FMN2: variants seen among roughly 807,000 people sequenced by gnomAD.
FMN2 encodes the protein formin-2.
FMN2 carries 51 observed loss-of-function variants against 142.3 expected under a neutral mutation model. The ratio of observed to expected loss-of-function variants is 0.36; its 90% confidence interval spans 0.29 to 0.45. FMN2 has a LOEUF of 0.45. FMN2 is among the 20% of genes least tolerant of loss of function. The probability of loss-of-function intolerance (pLI) is 1.00; values close to 1 mark genes in which losing one functional copy is unlikely to be tolerated. For synonymous variants in FMN2, 882 were observed against 869.8 expected (o/e 1.01, Z -0.25); for missense variants, 1,936 against 2,122.8 (o/e 0.91, Z 1.73).
intron 13 of FMN2, among the ~76,000 whole-genome samples, chr1:240,337,563 C>T (rs1278631997): frequency 2.0e-5 from 3 of 152,114 alleles, no homozygotes; most frequent in African/African-American, 7.2e-5. Context: ...AATAGGATAA[C>T]GTATAGAAAG....
Position 240,207,420 on chromosome 1 carries a change from A to T in FMN2, c.2608A>T (p.Met870Leu). The change falls in exon 5 of 18, where the codon ATG becomes TTG. Residue 870 changes from methionine to leucine, a missense_variant. Met to Leu is a conservative substitution (Grantham distance 15, BLOSUM62 2). Coordinates refer to ENST00000319653, the MANE Select transcript of FMN2 (RefSeq NM_020066.5). The stretch of plus-strand genomic sequence containing the variant: ...GCCTTGCACAGAGTCCTCCAGCTCC[A>T]TGCCTGGCCTGGGCATGGTGCCTCC... ...PLPCTESSSS[M>L]PGLGMVPPPP... is the part of the protein sequence containing the mutation. The T allele has an allele frequency of 6.2e-7, 1 of 1,613,650 alleles. No individual in the cohort carries two copies. Among genetic ancestry groups the T allele is most frequent in the Non-Finnish European group, 8.5e-7 (1 of 1,179,798 alleles).
chr1:240,397,315 ATTTG>A (rs1333084110), intron 15 of FMN2, among the ~76,000 whole-genome samples: 1 of 151,844 alleles, frequency 6.6e-6, no homozygotes, highest in Non-Finnish European at 1.5e-5. Context: ...TTGCTTGTTG[ATTTG>A]TTTAAGTTCC....
At chr1:240,317,679 GT>G (rs1670836150) in intron 8 of FMN2, among the ~76,000 whole-genome samples, 1 of 151,968 alleles carries the variant, frequency 6.6e-6, no homozygotes, top group African/African-American at 2.4e-5. Flanking sequence ...GAGTTTTTGG[GT>G]ATTACACACA....
chr1:240,333,801 T>C, intron 11 of FMN2, 86 bp from the exon 12 acceptor site: 1 of 1,036,854 alleles, frequency 9.6e-7, no homozygotes, highest in Non-Finnish European at 1.4e-6. Context: ...TGTATATACA[T>C]GAATTCACTA....
chr1:240,469,445 C>G (rs998819690), intron 16 of FMN2, among the ~76,000 whole-genome samples: 2 of 152,106 alleles, frequency 1.3e-5, no homozygotes, highest in Non-Finnish European at 2.9e-5. Context: ...ATCCTAGTCA[C>G]ACACATAAGA....
chr1:240,119,608 C>A (rs1043650557), intron 1 of FMN2, among the ~76,000 whole-genome samples: 1 of 152,168 alleles, frequency 6.6e-6, no homozygotes, highest in African/African-American at 2.4e-5. Context: ...TAATTTCCCC[C>A]ACTACCGCTA....
chr1:240,214,796 T>C (rs1666832069), intron 6 of FMN2, among the ~76,000 whole-genome samples: 1 of 152,134 alleles, frequency 6.6e-6, no homozygotes. Flanking sequence ...CTGGGTATGG[T>C]GGCTCACACC....
At chr1:240,314,399 G>T (rs968669273) in intron 8 of FMN2, among the ~76,000 whole-genome samples, 24 of 152,110 alleles carry the variant, frequency 1.6e-4, no homozygotes, top group Non-Finnish European at 3.1e-4. Flanking sequence ...CCTCAGAAAT[G>T]CTAGGTTCAA....
chr1:240,156,752 G>A (rs1207821381), intron 2 of FMN2, among the ~76,000 whole-genome samples: 1 of 152,180 alleles, frequency 6.6e-6, no homozygotes, highest in Non-Finnish European at 1.5e-5. Flanking sequence ...AAAGGATCAA[G>A]CAGAATGCAT....
At chr1:240,154,129 A>AAAATAAAAAG (rs3047192) in intron 2 of FMN2, among the ~76,000 whole-genome samples, 1 of 102,154 alleles carries the variant, frequency 9.8e-6, no homozygotes, top group Non-Finnish European at 2.0e-5. Flanking sequence ...AAAAAAAAAA[A>AAAATAAAAAG]AAGTGTTACT....
chr1:240,359,174 C>A (rs1397861719), intron 14 of FMN2, among the ~76,000 whole-genome samples: 1 of 152,050 alleles, frequency 6.6e-6, no homozygotes, highest in Admixed American at 6.6e-5. Flanking sequence ...AATTCCTTTG[C>A]CCCCATGTTT....
At chr1:240,186,983 C>T (rs1320405268) in intron 3 of FMN2, among the ~76,000 whole-genome samples, 2 of 151,900 alleles carry the variant, frequency 1.3e-5, no homozygotes, top group Non-Finnish European at 1.5e-5. Context: ...AGAGTGACTG[C>T]TGGCCGAGCA....
rs991217505 is a variant in FMN2 at position 240,276,605 on chromosome 1, G to A, written c.4154-18217G>A. Among the ~76,000 whole-genome samples the A allele has an allele frequency of 4.6e-5, 7 of 152,082 alleles. No homozygotes were observed. The South Asian group carries it at 1.4e-3, about 32-fold the overall frequency. On this transcript the variant is annotated intron_variant, in intron 7 of 17. Transcript: ENST00000319653. ...ACAATTCATATTGTTAGTGGAAGATGCAGTTATCTATTGGGGTGTGTGTCA... is the reference window on the plus strand; with the variant it reads ...ACAATTCATATTGTTAGTGGAAGATACAGTTATCTATTGGGGTGTGTGTCA...
At chr1:240,453,335 C>G (rs1289947993) in intron 16 of FMN2, among the ~76,000 whole-genome samples, 1 of 152,144 alleles carries the variant, frequency 6.6e-6, no homozygotes, top group East Asian at 1.9e-4. Context: ...TGAATCGAAG[C>G]ATTACCAATG....
At chr1:240,257,816 T>G in intron 6 of FMN2, 129 bp from the exon 7 acceptor site, 1 of 735,966 alleles carries the variant, frequency 1.4e-6, no homozygotes, top group South Asian at 1.7e-5. Context: ...AACACTGTTT[T>G]GAATACTTTA....
intron 13 of FMN2, among the ~76,000 whole-genome samples, chr1:240,341,896 G>C (rs1322198108): frequency 6.6e-6 from 1 of 152,180 alleles, no homozygotes; most frequent in African/African-American, 2.4e-5. Context: ...CCCAGGCATA[G>C]AGTTGCATGT....
At chr1:240,351,550 T>C (rs1446906510) in intron 13 of FMN2, among the ~76,000 whole-genome samples, 2 of 152,220 alleles carry the variant, frequency 1.3e-5, no homozygotes, top group Non-Finnish European at 2.9e-5. Context: ...GCATTGATGT[T>C]ACAAATACAG....
chr1:240,256,218 C>G (rs547829578), intron 6 of FMN2, among the ~76,000 whole-genome samples: 3 of 151,956 alleles, frequency 2.0e-5, no homozygotes, highest in Admixed American at 1.3e-4. Flanking sequence ...TTCTGCTTCT[C>G]TGATATTAAA....
At chr1:240,440,031 G>T (rs935903656) in intron 16 of FMN2, among the ~76,000 whole-genome samples, 6 of 152,130 alleles carry the variant, frequency 3.9e-5, no homozygotes, top group Non-Finnish European at 7.4e-5. Flanking sequence ...AGTCCTCAAT[G>T]GAGTGTAGAT....
Sources: allele counts gnomAD v4.1 joint callset (sites outside exome capture counted in the v4.1 genomes callset), GRCh38; gene constraint gnomAD v4.1.1; transcripts MANE v1.5; gene names NCBI Gene and HGNC (gene_info 2026-07-23, HGNC 2026-07-21).